The following ZCCHC14 variants were observed in gnomAD, a reference collection of about 807,000 sequenced individuals.
The protein encoded by ZCCHC14 is zinc finger CCHC domain-containing protein 14.
Under a neutral mutation model 85.0 loss-of-function variants are expected in ZCCHC14, and 16 were observed. That is an observed-to-expected ratio of 0.19 (90% confidence interval 0.13 to 0.29). ZCCHC14 has a LOEUF of 0.29. Ranked by LOEUF, ZCCHC14 falls within the 10% of genes least tolerant of loss-of-function variation. The probability of loss-of-function intolerance (pLI) is 1.00; values close to 1 mark genes in which losing one functional copy is unlikely to be tolerated. For synonymous variants in ZCCHC14, 775 were observed against 630.7 expected (o/e 1.23, Z -3.43); for missense variants, 1,303 against 1,443.5 (o/e 0.90, Z 1.58).
chr16:87,477,417 T>A (rs910813658), intron 1 of ZCCHC14, among the ~76,000 whole-genome samples: 7 of 152,172 alleles, frequency 4.6e-5, no homozygotes, highest in Non-Finnish European at 1.0e-4. Flanking sequence ...GCCCCGGGCA[T>A]CAGCAGAGCT....
At chr16:87,424,355 A>C (rs1909258894) in intron 3 of ZCCHC14, among the ~76,000 whole-genome samples, 1 of 152,150 alleles carries the variant, frequency 6.6e-6, no homozygotes, top group African/African-American at 2.4e-5. Flanking sequence ...CTCTCAGGAC[A>C]CTGCAGAGCT....
intron 1 of ZCCHC14, among the ~76,000 whole-genome samples, chr16:87,475,908 A>T (rs1237785847): frequency 6.6e-6 from 1 of 152,158 alleles, no homozygotes; most frequent in African/African-American, 2.4e-5. Flanking sequence ...AGTTCAGGAC[A>T]CCAAATAAGA....
chr16:87,482,977 T>C (rs542827063), intron 1 of ZCCHC14, among the ~76,000 whole-genome samples: 37 of 151,968 alleles, frequency 2.4e-4, no homozygotes, highest in African/African-American at 8.7e-4. Flanking sequence ...AGAAACGCAT[T>C]ATACATTATG....
intron 1 of ZCCHC14, among the ~76,000 whole-genome samples, chr16:87,488,580 TA>T (rs1314768829): frequency 4.6e-5 from 7 of 152,130 alleles, no homozygotes; most frequent in Admixed American, 3.9e-4. Flanking sequence ...AAAATAAATT[TA>T]AAAAAAATTT....
At chr16:87,417,113 G>A (rs145212276) in intron 8 of ZCCHC14, among the ~76,000 whole-genome samples, 2 of 152,196 alleles carry the variant, frequency 1.3e-5, no homozygotes, top group South Asian at 2.1e-4. Flanking sequence ...CAGTGTCTGC[G>A]CCAGCTACGC....
intron 1 of ZCCHC14, among the ~76,000 whole-genome samples, chr16:87,487,519 C>A (rs145269735): frequency 1.5e-3 from 235 of 152,338 alleles, no homozygotes; most frequent in African/African-American, 5.1e-3. Flanking sequence ...TGCAGCTCCC[C>A]AGGCTGGCTG....
intron 10 of ZCCHC14, among the ~76,000 whole-genome samples, chr16:87,413,484 C>T (rs1006585606): frequency 6.6e-6 from 1 of 152,152 alleles, no homozygotes; most frequent in Admixed American, 6.5e-5. Context: ...GGAACTATCA[C>T]AACACTACAC....
At chr16:87,461,393 C>A (rs1911250656) in intron 1 of ZCCHC14, among the ~76,000 whole-genome samples, 1 of 152,226 alleles carries the variant, frequency 6.6e-6, no homozygotes, top group Non-Finnish European at 1.5e-5. Context: ...GCTGTAACTT[C>A]TTTACAGTCT....
chr16:87,453,426 C>T (rs976136479), intron 2 of ZCCHC14, among the ~76,000 whole-genome samples: 5 of 152,248 alleles, frequency 3.3e-5, no homozygotes, highest in Admixed American at 6.5e-5. Context: ...GCTTTTCACC[C>T]GAGGGCGGGC....
At chr16:87,422,964 G>A (rs1257441785) in intron 4 of ZCCHC14, among the ~76,000 whole-genome samples, 1 of 152,134 alleles carries the variant, frequency 6.6e-6, no homozygotes, top group Non-Finnish European at 1.5e-5. Flanking sequence ...CAATGCCCAA[G>A]AGGCCAAAAA....
At chr16:87,415,879 C>G (rs1324402409) in intron 8 of ZCCHC14, among the ~76,000 whole-genome samples, 1 of 152,042 alleles carries the variant, frequency 6.6e-6, no homozygotes, top group Admixed American at 6.6e-5. Flanking sequence ...TCGTCTTTTT[C>G]TTCCTTTTTT....
intron 3 of ZCCHC14, among the ~76,000 whole-genome samples, chr16:87,430,470 T>C (rs927519421): frequency 3.9e-5 from 6 of 152,280 alleles, no homozygotes; most frequent in African/African-American, 1.4e-4. Context: ...TCGTTTCTTC[T>C]TTTCAAAATT....
chr16:87,409,729 A>G lies in ZCCHC14; in HGVS notation c.*551T>C, dbSNP rs1381521362. 6.6e-6 allele frequency: 1 copy of G among 152,642 alleles called. No individual in the cohort carries two copies. Among genetic ancestry groups the G allele is most frequent in the Non-Finnish European group, 1.5e-5 (1 of 68,078 alleles). 9.5% of individuals were successfully genotyped at this position (152,642 alleles called of 1,614,324 possible). On this transcript the variant is annotated 3_prime_UTR_variant, in exon 13 of 13. Transcript: ENST00000671377. ...AGTCTCTTGCACTGACTGTTCTCAG[A>G]GGAGTTTGGCTCCCAGAACCGCAGA...
intron 2 of ZCCHC14, among the ~76,000 whole-genome samples, chr16:87,447,886 C>A (rs1378329468): frequency 3.9e-5 from 6 of 152,174 alleles, no homozygotes; most frequent in Non-Finnish European, 5.9e-5. Flanking sequence ...ACTTCCATTA[C>A]CTCGGTGAAT....
intron 2 of ZCCHC14, among the ~76,000 whole-genome samples, chr16:87,447,491 TTTCA>T (rs1287665178): frequency 6.6e-6 from 1 of 152,212 alleles, no homozygotes; most frequent in Non-Finnish European, 1.5e-5. Flanking sequence ...CGGGCCCTGC[TTTCA>T]TTCAACATTG....
rs1276644066 is a variant in ZCCHC14 at position 87,414,438 on chromosome 16, A to G, written c.1579T>C (p.Ser527Pro). Reference sequence around the variant, plus strand: ...CCTGCTGCATGGCTGCCCCGCCCCGACTGCACGGGCCCGACGTGGCTGGTG... The same window carrying G: ...CCTGCTGCATGGCTGCCCCGCCCCGGCTGCACGGGCCCGACGTGGCTGGTG... ...PPTSHVGPVQ[S>P]GRGSHAAELR... The change falls in exon 10 of 13, where the codon TCG becomes CCG. Residue 527 changes from serine (S) to proline (P), a missense_variant. Physicochemically the swap from Ser to Pro is moderately conservative, Grantham distance 74. This residue lies in a region of ZCCHC14 where 58 missense variants were observed against 88.2 expected (regional missense o/e 0.66). Coordinates refer to ENST00000671377, the MANE Select transcript of ZCCHC14 (RefSeq NM_015144.3). The G allele has an allele frequency of 1.2e-6, 2 of 1,613,418 alleles. No homozygotes were observed. Among genetic ancestry groups the G allele is most frequent in the African/African-American group, 1.3e-5 (1 of 75,038 alleles).
chr16:87,424,948 A>G (rs1909291460), intron 3 of ZCCHC14, among the ~76,000 whole-genome samples: 1 of 152,104 alleles, frequency 6.6e-6, no homozygotes, highest in Non-Finnish European at 1.5e-5. Flanking sequence ...CTGTATTAAC[A>G]CTGATTTAGA....
chr16:87,421,131 C>T (rs149612754), intron 4 of ZCCHC14, among the ~76,000 whole-genome samples: 84 of 152,320 alleles, frequency 5.5e-4, no homozygotes, highest in African/African-American at 1.8e-3. Context: ...ACAGAAATGC[C>T]GGAGCCCCAG....
intron 1 of ZCCHC14, among the ~76,000 whole-genome samples, chr16:87,488,901 TAAAGA>T (rs1912629475): frequency 1.3e-5 from 2 of 152,180 alleles, no homozygotes; most frequent in Non-Finnish European, 2.9e-5. Flanking sequence ...TCAAATTGGA[TAAAGA>T]ATTTAAAAAG....
Sources: allele counts gnomAD v4.1 joint callset (sites outside exome capture counted in the v4.1 genomes callset), GRCh38; gene constraint gnomAD v4.1.1; regional missense constraint gnomAD v4.1.1; transcripts MANE v1.5; gene names NCBI Gene and HGNC (gene_info 2026-07-23, HGNC 2026-07-21).